Variants in RNF144A observed in about 807,000 individuals in gnomAD.
The protein encoded by RNF144A is E3 ubiquitin-protein ligase RNF144A.
RNF144A carries 11 observed loss-of-function variants against 38.7 expected under a neutral mutation model. That is an observed-to-expected ratio of 0.28 (90% CI 0.18 to 0.47). RNF144A has a LOEUF of 0.47. RNF144A is among the 20% of genes least tolerant of loss of function. The pLI, the probability that RNF144A is intolerant of heterozygous loss-of-function variation, is 0.99. For missense variants in RNF144A, 316 were observed against 377.2 expected (o/e 0.84, Z 1.34); for synonymous variants, 149 against 143.9 (o/e 1.04, Z -0.25).
chr2:6,946,023 A>G (rs1225632441), intron 2 of RNF144A, among the ~76,000 whole-genome samples: 1 of 152,208 alleles, frequency 6.6e-6, no homozygotes, highest in East Asian at 1.9e-4. Flanking sequence ...ATGTGATTCA[A>G]AACAAAAGGG....
At position 6,988,131 on chromosome 2, in the gene RNF144A, C is replaced by T. The variant is rs893529171; in HGVS notation, c.-11-8785C>T. On this transcript the variant is annotated intron_variant, in intron 2 of 8. Transcript: ENST00000320892. ...TTAGGGCAGTTTAGATTTAGATTTA[C>T]AGATTTAGTTTTAGATACAGATTTA... 8.5e-5 allele frequency among the ~76,000 whole-genome samples: 13 copies of T among 152,274 alleles called. 1 individual carries two copies. The highest frequency in any genetic ancestry group is 3.1e-4 in the African/African-American group (13 of 41,560).
At position 7,030,192 on chromosome 2, in the gene RNF144A, T is replaced by A. The variant is rs1252555011; in HGVS notation, c.724T>A (p.Ser242Thr). The change falls in exon 8 of 9, where the codon TCT becomes ACT. Residue 242 changes from serine (S) to threonine (T), a missense_variant. Ser to Thr is a moderately conservative substitution (Grantham distance 58). Coordinates refer to ENST00000320892, the MANE Select transcript of RNF144A (RefSeq NM_014746.6). ...CRNKLGHSRASVIWHRTQVVG... is the reference protein window; with the variant it reads ...CRNKLGHSRATVIWHRTQVVG... ...GAACAAGCTGGGCCACTCCCGGGCATCTGTGATCTGGCATCGGACACAGGT... is the reference window on the plus strand; with the variant it reads ...GAACAAGCTGGGCCACTCCCGGGCAACTGTGATCTGGCATCGGACACAGGT... 6.2e-7 allele frequency: 1 copy of A among 1,613,668 alleles called. No homozygotes were observed. Among genetic ancestry groups the A allele is most frequent in the African/African-American group, 1.3e-5 (1 of 74,888 alleles).
chr2:6,995,745 G>A (rs1669695661), intron 2 of RNF144A, among the ~76,000 whole-genome samples: 1 of 152,220 alleles, frequency 6.6e-6, no homozygotes, highest in African/African-American at 2.4e-5. Context: ...TACCCTGGCT[G>A]AGGGTGGGTC....
rs755105866 is a variant in RNF144A at position 7,030,190 on chromosome 2, C to T, written c.722C>T (p.Ala241Val). 1 of 1,613,454 alleles carries T rather than the reference C, an allele frequency of 6.2e-7. No homozygotes were observed. The highest frequency in any genetic ancestry group is 8.5e-7 in the Non-Finnish European group (1 of 1,179,688). Reference sequence around the variant, plus strand: ...CGGAACAAGCTGGGCCACTCCCGGGCATCTGTGATCTGGCATCGGACACAG... The same window carrying T: ...CGGAACAAGCTGGGCCACTCCCGGGTATCTGTGATCTGGCATCGGACACAG... ...PCRNKLGHSR[A>V]SVIWHRTQVV... Residue 241 changes from alanine to valine, a missense_variant, in exon 8 of 9, where the codon GCA (alanine) becomes GTA (valine). Transcript: ENST00000320892.
intron 1 of RNF144A, among the ~76,000 whole-genome samples, chr2:6,919,380 C>T (rs1664384508): frequency 6.6e-6 from 1 of 152,168 alleles, no homozygotes; most frequent in Non-Finnish European, 1.5e-5. Context: ...GTTTTTTGCA[C>T]TTTTCTAATG....
intron 8 of RNF144A, among the ~76,000 whole-genome samples, chr2:7,032,415 A>G (rs1245901319): frequency 6.6e-6 from 1 of 152,226 alleles, no homozygotes; most frequent in African/African-American, 2.4e-5. Flanking sequence ...GCTGTGACAA[A>G]GCGCTGCAGA....
In RNF144A at chr2:6,958,158, G is replaced by T. The variant is rs1042052247; in HGVS notation, c.-12+17011G>T. ...GCGCAGCCACCATGGGGCACCGGGC[G>T]TGCTGTCTCTTCCTGGAAGGTGGAA... is the stretch of plus-strand genomic sequence containing the variant. On this transcript the variant is annotated intron_variant, in intron 2 of 8. Transcript: ENST00000320892. This position sits in a 1 kb window ranked among gnomAD's most constrained non-coding sequence, Gnocchi z 4.5. Among the ~76,000 whole-genome samples, 2 of 152,232 alleles carry T rather than the reference G, an allele frequency of 1.3e-5. No individual in the cohort carries two copies. The highest frequency in any genetic ancestry group is 4.1e-4 in the South Asian group (2 of 4,830).
chr2:7,038,561 G>A (rs1672829680), intron 8 of RNF144A, among the ~76,000 whole-genome samples: 1 of 152,158 alleles, frequency 6.6e-6, no homozygotes, highest in African/African-American at 2.4e-5. Flanking sequence ...ATATATAGAT[G>A]TATGGATGTT....
intron 2 of RNF144A, among the ~76,000 whole-genome samples, chr2:6,966,841 C>T (rs1188243179): frequency 6.6e-6 from 1 of 152,190 alleles, no homozygotes; most frequent in African/African-American, 2.4e-5. Context: ...GCTGCTGTTA[C>T]TCCTGGTGGG....
At chr2:6,931,292 A>G (rs1013926865) in intron 1 of RNF144A, among the ~76,000 whole-genome samples, 45 of 152,382 alleles carry the variant, frequency 3.0e-4, no homozygotes, top group Middle Eastern at 3.4e-3. Context: ...TCATCTCTAA[A>G]GTGAGAATTG....
At chr2:7,053,331 T>C (rs769124926) in intron 6 of RNF144A, among the ~76,000 whole-genome samples, 2 of 152,250 alleles carry the variant, frequency 1.3e-5, no homozygotes, top group African/African-American at 4.8e-5. Context: ...TTTATTACTG[T>C]ATAACAAATT....
downstream of RNF144A, among the ~76,000 whole-genome samples, chr2:7,046,343 G>A (rs1253217748): frequency 1.3e-5 from 2 of 152,176 alleles, no homozygotes; most frequent in African/African-American, 2.4e-5. Context: ...AGCCAACATC[G>A]AATGGGGCCC....
chr2:6,921,740 G>C (rs768648802), intron 1 of RNF144A, among the ~76,000 whole-genome samples: 3 of 152,362 alleles, frequency 2.0e-5, no homozygotes, highest in South Asian at 2.1e-4. Context: ...GAGGGTGCCT[G>C]GATCAGCCCC....
At chr2:7,020,776 G>T in intron 6 of RNF144A, 96 bp downstream of exon 6, 1 of 1,142,968 alleles carries the variant, frequency 8.7e-7, no homozygotes. Flanking sequence ...AGTGTAAGTG[G>T]CTGTGGCTCA....
intron 2 of RNF144A, among the ~76,000 whole-genome samples, chr2:6,986,481 C>T (rs1283344579): frequency 6.6e-6 from 1 of 152,146 alleles, no homozygotes; most frequent in African/African-American, 2.4e-5. Context: ...TGTTCCTAAG[C>T]CACCCTCAAG....
chr2:6,969,918 C>T (rs969598267), intron 2 of RNF144A, among the ~76,000 whole-genome samples: 17 of 152,174 alleles, frequency 1.1e-4, no homozygotes, highest in Admixed American at 4.6e-4. Context: ...CACACTGCCA[C>T]GCCCGGCTAA....
intron 8 of RNF144A, among the ~76,000 whole-genome samples, chr2:7,035,936 A>C (rs1285275640): frequency 6.6e-6 from 1 of 152,206 alleles, no homozygotes; most frequent in African/African-American, 2.4e-5. Flanking sequence ...TACATTTTTT[A>C]TTCAGTATAG....
Position 7,041,359 on chromosome 2 carries a change from C to T in RNF144A, c.*1599C>T. 2 of 985,852 alleles carry T rather than the reference C, an allele frequency of 2.0e-6. No homozygotes were observed. The highest frequency in any genetic ancestry group is 2.4e-6 in the Non-Finnish European group (2 of 829,918). The allele number at this position is 985,852 out of a possible 1,614,324, so 61.1% of individuals were successfully genotyped here. A position where few individuals can be genotyped will look rare whatever the true frequency, so the allele number is the denominator to read the frequency against. On this transcript the variant is annotated 3_prime_UTR_variant, in exon 9 of 9. Coordinates refer to ENST00000320892, the MANE Select transcript of RNF144A (RefSeq NM_014746.6). ...CTAACATTGAATTCGTTAGAAAAAA[C>T]AGCGTCACCTCACTCTTCACCTGTC...
intron 3 of RNF144A, among the ~76,000 whole-genome samples, chr2:7,005,224 G>A (rs1670363447): frequency 6.6e-6 from 1 of 152,230 alleles, no homozygotes; most frequent in African/African-American, 2.4e-5. Context: ...CCTAGTATAT[G>A]CAGAATGGTT....
Sources: allele counts gnomAD v4.1 joint callset (sites outside exome capture counted in the v4.1 genomes callset), GRCh38; gene constraint gnomAD v4.1.1; non-coding constraint Gnocchi (gnomAD v3.1); transcripts MANE v1.5; gene names NCBI Gene and HGNC (gene_info 2026-07-23, HGNC 2026-07-21).